The following DMD variants were observed in gnomAD, a reference collection of about 807,000 sequenced individuals.
DMD encodes the protein dystrophin.
Under a neutral mutation model 330.1 loss-of-function variants are expected in DMD, and 63 were observed. The observed-to-expected ratio is 0.19, with a 90% CI of 0.16 to 0.24. DMD has a LOEUF of 0.24. Among genes scored for constraint, DMD ranks in the 10% least tolerant of loss-of-function variants. The probability of loss-of-function intolerance (pLI) is 1.00; values close to 1 mark genes in which losing one functional copy is unlikely to be tolerated. For synonymous variants in DMD, 1,223 were observed against 959.8 expected, an observed-to-expected ratio of 1.27 and a Z score of -5.07; for missense variants, 3,344 against 2,684.1, an observed-to-expected ratio of 1.25 and a Z score of -5.43.
chrX:31,334,824 C>T (rs940057949), intron 61 of DMD, among the ~76,000 whole-genome samples: 3 of 111,938 alleles, frequency 2.7e-5, no homozygotes, highest in Admixed American at 9.5e-5. Flanking sequence ...TCCTATCATT[C>T]ACCATCTTTC....
At chrX:31,807,659 A>G (rs1171353415) in intron 50 of DMD, among the ~76,000 whole-genome samples, 1 of 112,229 alleles carries the variant, frequency 8.9e-6, no homozygotes, top group Non-Finnish European at 1.9e-5. Context: ...CTTAAGGCCC[A>G]ATTCCACCCA....
rs1191063866 is a variant in DMD, at chrX:32,465,582, G to GTT, written c.3163-885_3163-884dup. 3.4e-3 allele frequency among the ~76,000 whole-genome samples: 257 copies of GTT among 76,632 alleles called. 3 individuals are homozygous for GTT. Among genetic ancestry groups the GTT allele is most frequent in the East Asian group, 0.019 (46 of 2,431 alleles). The allele number at this position is 76,632 out of a possible 115,157, so 66.5% of individuals were successfully genotyped here. A position where few individuals can be genotyped will look rare whatever the true frequency, so the allele number is the denominator to read the frequency against. On this transcript the variant is annotated intron_variant, in intron 23 of 78. Transcript: ENST00000357033. The stretch of plus-strand genomic sequence containing the variant: ...GTCTTTTTTTTTTTGTTTGTTTTTT[G>GTT]TTTTTTTTTTTTTTTTTTTTTGAGA...
chrX:32,390,299 G>C, intron 30 of DMD, 118 bp from the exon 31 acceptor site: 1 of 575,679 alleles, frequency 1.7e-6, no homozygotes, highest in Non-Finnish European at 2.9e-6. Context: ...CCTTTAAAAT[G>C]ACCGTAAATT....
intron 60 of DMD, among the ~76,000 whole-genome samples, chrX:31,372,062 T>C (rs149976268): frequency 8.9e-6 from 1 of 111,917 alleles, no homozygotes; most frequent in African/African-American, 3.2e-5. Flanking sequence ...CTGGCATATA[T>C]TAGCTCTGAG....
At chrX:32,160,714 GT>G (rs200379126) in intron 44 of DMD, among the ~76,000 whole-genome samples, 1 of 110,831 alleles carries the variant, frequency 9.0e-6, no homozygotes, top group South Asian at 3.8e-4. Context: ...AACATGAAAG[GT>G]TTTTTTGATG....
intron 44 of DMD, among the ~76,000 whole-genome samples, chrX:32,051,664 T>A (rs1166084374): frequency 9.0e-5 from 10 of 110,556 alleles, no homozygotes; most frequent in Non-Finnish European, 1.7e-4. Context: ...TGAAACTTAG[T>A]TTAAAAGTGA....
chrX:32,295,887 T>C (rs192116343), intron 42 of DMD, among the ~76,000 whole-genome samples: 2 of 112,259 alleles, frequency 1.8e-5, no homozygotes, highest in Non-Finnish European at 3.8e-5. Flanking sequence ...ATCTAAATGG[T>C]AAACTTATGT....
chrX:31,565,305 T>C (rs767841548), intron 55 of DMD, among the ~76,000 whole-genome samples: 1 of 111,421 alleles, frequency 9.0e-6, no homozygotes, highest in Admixed American at 9.5e-5. Flanking sequence ...TTTCCCCTGT[T>C]GTCCCGGACT....
At chrX:32,020,027 G>A (rs180685731) in intron 44 of DMD, among the ~76,000 whole-genome samples, 223 of 112,806 alleles carry the variant, frequency 2.0e-3, no homozygotes, top group Non-Finnish European at 2.6e-3. Context: ...GAAAGGGTTT[G>A]TAGTTCTATT....
At chrX:31,335,840 A>G (rs2057380038) in intron 61 of DMD, among the ~76,000 whole-genome samples, 1 of 112,277 alleles carries the variant, frequency 8.9e-6, no homozygotes. Flanking sequence ...ATGATTAGAG[A>G]GCAGGATAGA....
chrX:32,438,432 C>A, intron 28 of DMD, 42 bp from the exon 29 acceptor site: 1 of 1,175,304 alleles, frequency 8.5e-7, no homozygotes, highest in Non-Finnish European at 1.2e-6. Flanking sequence ...CCTTTTTTTT[C>A]TAAATACATT....
intron 12 of DMD, among the ~76,000 whole-genome samples, chrX:32,598,959 G>A (rs953394611): frequency 8.9e-6 from 1 of 111,862 alleles, no homozygotes; most frequent in Non-Finnish European, 1.9e-5. Context: ...AGTCCAGAGT[G>A]CTGGAGTAGA....
At chrX:31,154,585 T>A (rs1418543408) in intron 74 of DMD, among the ~76,000 whole-genome samples, 1 of 111,100 alleles carries the variant, frequency 9.0e-6, no homozygotes, top group Non-Finnish European at 1.9e-5. Context: ...TGAGCCAACA[T>A]GCCCAGCCTC....
At chrX:32,889,635 C>A (rs927154141) in intron 2 of DMD, among the ~76,000 whole-genome samples, 1 of 111,007 alleles carries the variant, frequency 9.0e-6, no homozygotes, top group Non-Finnish European at 1.9e-5. Context: ...ACTTTGTAAT[C>A]TCCCCCACCC....
chrX:33,287,662 T>A (rs1266971295), intron 1 of DMD, among the ~76,000 whole-genome samples: 2 of 111,379 alleles, frequency 1.8e-5, no homozygotes, highest in African/African-American at 6.5e-5. Flanking sequence ...ATTATATAGA[T>A]CTGAAAAGTA....
At chrX:33,306,411 C>T (rs755539999) in intron 1 of DMD, among the ~76,000 whole-genome samples, 4 of 111,510 alleles carry the variant, frequency 3.6e-5, no homozygotes, top group South Asian at 3.7e-4. Flanking sequence ...TTTAATATAA[C>T]GTATGGTCAT....
chrX:32,800,259 T>C (rs1275517290), intron 7 of DMD, among the ~76,000 whole-genome samples: 1 of 112,107 alleles, frequency 8.9e-6, no homozygotes, highest in African/African-American at 3.2e-5. Flanking sequence ...GCAATTACTA[T>C]ACAGGCATGA....
At chrX:33,094,534 C>T (rs927802624) in intron 1 of DMD, among the ~76,000 whole-genome samples, 1 of 111,577 alleles carries the variant, frequency 9.0e-6, no homozygotes, top group African/African-American at 3.3e-5. Flanking sequence ...AGGCCGGGCG[C>T]GGTGGCTCAC....
intron 1 of DMD, among the ~76,000 whole-genome samples, chrX:33,188,102 T>C (rs1341645717): frequency 9.0e-6 from 1 of 111,078 alleles, no homozygotes; most frequent in Admixed American, 9.6e-5. Context: ...TCCACATCTA[T>C]ATAATGAGGA....
Sources: gnomAD v4.1 joint callset for allele counts (sites outside exome capture counted in the v4.1 genomes callset) on GRCh38, gnomAD v4.1.1 for gene constraint, MANE v1.5 for transcripts, NCBI Gene and HGNC (gene_info 2026-07-23, HGNC 2026-07-21) for gene names.